Variants in GADL1 observed in about 807,000 individuals in gnomAD.
The protein encoded by GADL1 is acidic amino acid decarboxylase GADL1.
In GADL1, 71 loss-of-function variants were observed where a neutral mutation model predicts 69.5. The observed-to-expected ratio is 1.02, with a 90% CI of 0.84 to 1.25. The LOEUF (loss-of-function observed/expected upper bound fraction) is 1.25, where lower values mean the gene tolerates loss of function less well. Ranked by LOEUF, GADL1 falls within the 50% of genes most tolerant of loss-of-function variation. The pLI is 0.00. For missense variants in GADL1, 737 were observed against 631.8 expected (o/e 1.17, Z -1.79); for synonymous variants, 254 against 214.4 (o/e 1.18, Z -1.62).
intron 1 of GADL1, among the ~76,000 whole-genome samples, chr3:30,871,042 A>AGTGTGTGTGTGTGTGGGT (rs1698473910): frequency 7.1e-6 from 1 of 141,378 alleles, no homozygotes; most frequent in Admixed American, 7.2e-5. Context: ...AAGGCAGAAA[A>AGTGTGTGTGTGTGTGGGT]GTGTGTGTGT....
chr3:30,798,011 T>C (rs1697080781), intron 12 of GADL1: 1 of 152,022 alleles, frequency 6.6e-6, no homozygotes, highest in Non-Finnish European at 1.5e-5. Flanking sequence ...CTTGAGCTTT[T>C]CTAATGTTCT....
At chr3:30,759,729 A>T (rs542217473) in intron 14 of GADL1, among the ~76,000 whole-genome samples, 1 of 152,338 alleles carries the variant, frequency 6.6e-6, no homozygotes, top group African/African-American at 2.4e-5. Flanking sequence ...CTTCCTTAGA[A>T]GTAACATTTC....
intron 14 of GADL1, among the ~76,000 whole-genome samples, chr3:30,757,182 GAAAAA>G (rs958318432): frequency 2.0e-5 from 3 of 152,008 alleles, no homozygotes; most frequent in African/African-American, 4.8e-5. Context: ...AAATGTGATT[GAAAAA>G]ATAAGAAATG....
At chr3:30,877,299 G>C (rs1049000908) in intron 1 of GADL1, among the ~76,000 whole-genome samples, 1 of 151,712 alleles carries the variant, frequency 6.6e-6, no homozygotes, top group African/African-American at 2.4e-5. Context: ...AACAATAAAA[G>C]AACAATTAAA....
At chr3:30,783,091 T>C (rs978912560) in intron 13 of GADL1, among the ~76,000 whole-genome samples, 6 of 152,332 alleles carry the variant, frequency 3.9e-5, no homozygotes, top group African/African-American at 1.4e-4. Flanking sequence ...GTTGACCACC[T>C]GTTAACAGAT....
rs147477750 is a variant in GADL1 at position 30,757,375 on chromosome 3, C to CT, written c.1392+20803dup. Among the ~76,000 whole-genome samples, 354 of 152,156 alleles carry CT rather than the reference C, an allele frequency of 2.3e-3. 1 individual carries two copies. Among genetic ancestry groups the CT allele is most frequent in the African/African-American group, 8.0e-3 (334 of 41,504 alleles). ...AGTGGGAAAGTGAATAGATCAGAGG[C>CT]TAGATCATCAGAAGCCTATAAAAAG... On this transcript the variant is annotated intron_variant, in intron 14 of 14. Coordinates refer to ENST00000282538, the MANE Select transcript of GADL1 (RefSeq NM_207359.3).
chr3:30,881,830 A>T (rs1415236526), intron 1 of GADL1, among the ~76,000 whole-genome samples: 1 of 151,906 alleles, frequency 6.6e-6, no homozygotes, highest in African/African-American at 2.4e-5. Flanking sequence ...ATAAAAAGTA[A>T]TTAGGTCATG....
At chr3:30,736,452 A>G (rs7648352) in intron 14 of GADL1, among the ~76,000 whole-genome samples, 74,915 of 152,008 alleles carry the variant, frequency 0.49, 21,187 homozygotes, top group African/African-American at 0.78. Flanking sequence ...TGCTTGGCAT[A>G]CTAGGCACTC....
chr3:30,802,917 T>G (rs1697190834), intron 11 of GADL1, among the ~76,000 whole-genome samples: 1 of 152,006 alleles, frequency 6.6e-6, no homozygotes, highest in African/African-American at 2.4e-5. Flanking sequence ...CTGGGCAACA[T>G]AGTGAGACCC....
At chr3:30,740,037 C>T (rs932965427) in intron 14 of GADL1, among the ~76,000 whole-genome samples, 3 of 152,128 alleles carry the variant, frequency 2.0e-5, no homozygotes, top group Non-Finnish European at 4.4e-5. Context: ...GGAAATTACT[C>T]TTTCCTCTAA....
At chr3:30,851,368 C>A (rs566763492) in intron 4 of GADL1, among the ~76,000 whole-genome samples, 1 of 152,098 alleles carries the variant, frequency 6.6e-6, no homozygotes, top group South Asian at 2.1e-4. Context: ...TGCTAACAGT[C>A]CCCTCTAGAT....
intron 14 of GADL1, among the ~76,000 whole-genome samples, chr3:30,756,237 C>CGT (rs1461364299): frequency 2.7e-4 from 41 of 152,046 alleles, no homozygotes; most frequent in Admixed American, 2.7e-3. Context: ...ACAAGAGAAA[C>CGT]GTAAGTTCTG....
intron 11 of GADL1, among the ~76,000 whole-genome samples, chr3:30,831,290 C>T (rs1037207042): frequency 7.2e-5 from 11 of 151,880 alleles, no homozygotes; most frequent in Non-Finnish European, 1.3e-4. Flanking sequence ...AGCCAAAATA[C>T]GCTTTTTTCA....
intron 2 of GADL1, among the ~76,000 whole-genome samples, chr3:30,859,888 A>G (rs1019136429): frequency 6.6e-6 from 1 of 151,872 alleles, no homozygotes; most frequent in Admixed American, 6.6e-5. Context: ...CATCTATTAC[A>G]TTGTAATTGA....
intron 9 of GADL1, among the ~76,000 whole-genome samples, chr3:30,836,860 C>T (rs1225661442): frequency 6.6e-6 from 1 of 152,016 alleles, no homozygotes; most frequent in Non-Finnish European, 1.5e-5. Flanking sequence ...AACAATTGCC[C>T]TCATGAAGGA....
At chr3:30,760,075 G>A (rs923563383) in intron 14 of GADL1, among the ~76,000 whole-genome samples, 12 of 152,140 alleles carry the variant, frequency 7.9e-5, no homozygotes, top group Non-Finnish European at 1.6e-4. Context: ...CTAAAGTTTT[G>A]TGATTGTTTC....
chr3:30,877,240 T>C (rs772405915), intron 1 of GADL1, among the ~76,000 whole-genome samples: 2 of 151,876 alleles, frequency 1.3e-5, no homozygotes, highest in African/African-American at 2.4e-5. Context: ...TCTCTTTCCA[T>C]GAATCTATGC....
At chr3:30,850,977 T>A in intron 4 of GADL1, 36 bp from the exon 5 acceptor site, 2 of 1,237,318 alleles carry the variant, frequency 1.6e-6, no homozygotes, top group Non-Finnish European at 2.3e-6. Flanking sequence ...CTTCTATGAC[T>A]AGAGTCAAAA....
chr3:30,861,510 A>G (rs966902489), intron 2 of GADL1, 83 bp downstream of exon 2: 2 of 1,016,180 alleles, frequency 2.0e-6, no homozygotes, highest in African/African-American at 1.6e-5. Flanking sequence ...TGGCCTTCCC[A>G]TTTGCTTTCT....
Sources: gnomAD v4.1 joint callset for allele counts (sites outside exome capture counted in the v4.1 genomes callset) on GRCh38, gnomAD v4.1.1 for gene constraint, MANE v1.5 for transcripts, NCBI Gene and HGNC (gene_info 2026-07-23, HGNC 2026-07-21) for gene names.